The following RIN2 variants were observed in gnomAD, a reference collection of about 807,000 sequenced individuals.
RIN2 encodes the protein RAB5 interacting protein 2.
Under a neutral mutation model 78.0 loss-of-function variants are expected in RIN2, and 36 were observed. That is an observed-to-expected ratio of 0.46 (90% confidence interval 0.35 to 0.61). The LOEUF is 0.61. Among genes scored for constraint, RIN2 ranks in the 20% least tolerant of loss-of-function variants. The probability of loss-of-function intolerance (pLI) is 0.00; values close to 1 mark genes in which losing one functional copy is unlikely to be tolerated. For missense variants in RIN2, 1,087 were observed against 1,159.7 expected, an observed-to-expected ratio of 0.94 and a Z score of 0.91; for synonymous variants, 466 against 466.8, an observed-to-expected ratio of 1.00 and a Z score of 0.02.
At chr20:19,798,415 AG>A (rs543094352) in intron 1 of RIN2, among the ~76,000 whole-genome samples, 19 of 152,040 alleles carry the variant, frequency 1.2e-4, no homozygotes, top group Middle Eastern at 3.4e-3. Context: ...CGAGATTTCC[AG>A]GGGAGGAGAT....
intron 2 of RIN2, among the ~76,000 whole-genome samples, chr20:19,828,523 C>T (rs1157245256): frequency 6.6e-6 from 1 of 152,148 alleles, no homozygotes; most frequent in Non-Finnish European, 1.5e-5. Context: ...TCACTCACTT[C>T]CTGCGTTGAT....
intron 3 of RIN2, among the ~76,000 whole-genome samples, chr20:19,899,291 G>T (rs1448120964): frequency 1.3e-5 from 2 of 152,118 alleles, no homozygotes; most frequent in Admixed American, 1.3e-4. Context: ...TGACGCTCTT[G>T]GTGTTGCTCT....
At chr20:19,945,975 G>T (rs1157585644) in intron 4 of RIN2, among the ~76,000 whole-genome samples, 1 of 152,182 alleles carries the variant, frequency 6.6e-6, no homozygotes, top group Admixed American at 6.5e-5. Context: ...GAGCTGAGCA[G>T]CGGATTCTAT....
At chr20:19,773,089 G>C (rs541432547) in intron 1 of RIN2, among the ~76,000 whole-genome samples, 2 of 152,286 alleles carry the variant, frequency 1.3e-5, no homozygotes, top group South Asian at 4.1e-4. Context: ...CGGTGGTAGG[G>C]AAGGAGCTGT....
intron 2 of RIN2, among the ~76,000 whole-genome samples, chr20:19,860,529 GC>G (rs2037302751): frequency 6.6e-6 from 1 of 151,940 alleles, no homozygotes; most frequent in African/African-American, 2.4e-5. Context: ...CACCATGTTG[GC>G]CATACTCGTC....
At chr20:19,773,257 A>G (rs2034198355) in intron 1 of RIN2, among the ~76,000 whole-genome samples, 1 of 151,970 alleles carries the variant, frequency 6.6e-6, no homozygotes, top group Admixed American at 6.5e-5. Flanking sequence ...CATCTAAATT[A>G]GTTAAATCTG....
intron 9 of RIN2, among the ~76,000 whole-genome samples, chr20:19,986,924 C>G (rs898325979): frequency 6.6e-6 from 1 of 152,246 alleles, no homozygotes; most frequent in Non-Finnish European, 1.5e-5. Flanking sequence ...CAGAACATCT[C>G]TAATCCCTGG....
intron 1 of RIN2, among the ~76,000 whole-genome samples, chr20:19,782,160 A>C (rs756774161): frequency 2.0e-5 from 3 of 152,208 alleles, no homozygotes; most frequent in Admixed American, 6.5e-5. Context: ...TGACCACACT[A>C]GATTGGTCTG....
At chr20:19,900,066 A>G (rs570696409) in intron 3 of RIN2, among the ~76,000 whole-genome samples, 1 of 152,350 alleles carries the variant, frequency 6.6e-6, no homozygotes, top group East Asian at 1.9e-4. Context: ...TCCCTTCTAG[A>G]AGGAGAAACT....
intron 9 of RIN2, among the ~76,000 whole-genome samples, chr20:19,986,030 G>T (rs1053944331): frequency 2.0e-5 from 3 of 152,108 alleles, no homozygotes; most frequent in African/African-American, 7.2e-5. Context: ...TGTTCTGAGA[G>T]TTTAAAAGGT....
intron 3 of RIN2, among the ~76,000 whole-genome samples, chr20:19,893,590 C>T (rs977589486): frequency 2.6e-5 from 4 of 152,114 alleles, no homozygotes; most frequent in Non-Finnish European, 2.9e-5. Context: ...ACATGAGGTG[C>T]GTGGATAACA....
chr20:19,807,181 C>T (rs1168880610), intron 2 of RIN2, among the ~76,000 whole-genome samples: 1 of 152,258 alleles, frequency 6.6e-6, no homozygotes, highest in African/African-American at 2.4e-5. Flanking sequence ...GGCACACTGA[C>T]ATTTTTGTAT....
chr20:19,900,288 A>G (rs1363813746), intron 3 of RIN2, among the ~76,000 whole-genome samples: 1 of 152,002 alleles, frequency 6.6e-6, no homozygotes, highest in Non-Finnish European at 1.5e-5. Context: ...GTTCAAGACC[A>G]GCCTGGCCAA....
intron 3 of RIN2, among the ~76,000 whole-genome samples, chr20:19,930,589 G>A (rs1326097638): frequency 2.0e-5 from 3 of 152,132 alleles, no homozygotes; most frequent in Admixed American, 6.5e-5. Context: ...TTCCTGCTGG[G>A]GTGGGAGTCC....
chr20:19,935,600 A>G (rs1377925576), intron 4 of RIN2: 2 of 995,934 alleles, frequency 2.0e-6, no homozygotes, highest in African/African-American at 1.7e-5. Context: ...CTCATTTTGC[A>G]TTCTCAGGTC....
chr20:19,802,247 G>A (rs1287958765), intron 2 of RIN2, among the ~76,000 whole-genome samples: 2 of 152,128 alleles, frequency 1.3e-5, no homozygotes, highest in African/African-American at 4.8e-5. Flanking sequence ...TATCAAGGCG[G>A]AATTTGGAGC....
chr20:19,962,753 T>A (rs990059547), intron 6 of RIN2, among the ~76,000 whole-genome samples: 1 of 152,170 alleles, frequency 6.6e-6, no homozygotes, highest in African/African-American at 2.4e-5. Context: ...GGCTAGGGGT[T>A]CGAGACCAGC....
chr20:19,869,410 G>A (rs1009647894), intron 2 of RIN2, among the ~76,000 whole-genome samples: 1 of 152,104 alleles, frequency 6.6e-6, no homozygotes, highest in Non-Finnish European at 1.5e-5. Flanking sequence ...ACGAAGCCAC[G>A]TCATCACTGG....
At chr20:19,924,508 TTCACACTCCCACCTTC>T (rs2040123592) in intron 3 of RIN2, among the ~76,000 whole-genome samples, 1 of 67,136 alleles carries the variant, frequency 1.5e-5, no homozygotes, top group African/African-American at 6.7e-5. Context: ...TACCCCCACC[TTCACACTCCCACCTTC>T]GTTCCCGACC....
Sources: gnomAD v4.1 joint callset for allele counts (sites outside exome capture counted in the v4.1 genomes callset) on GRCh38, gnomAD v4.1.1 for gene constraint, MANE v1.5 for transcripts, NCBI Gene and HGNC (gene_info 2026-07-23, HGNC 2026-07-21) for gene names.